Variants in RASA1 observed in about 807,000 individuals in gnomAD.
RASA1 encodes ras GTPase-activating protein 1.
A neutral mutation model predicts 132.2 loss-of-function variants in RASA1; 25 were observed. That is an observed-to-expected ratio of 0.19 (90% CI 0.14 to 0.26). The LOEUF is 0.26. RASA1 is among the 10% of genes least tolerant of loss of function. The pLI is 1.00. For missense variants in RASA1, 964 were observed against 1,299.2 expected, an observed-to-expected ratio of 0.74 and a Z score of 3.97; for synonymous variants, 477 against 449.9, an observed-to-expected ratio of 1.06 and a Z score of -0.76.
intron 20 of RASA1, 147 bp from the exon 21 acceptor site, chr5:87,383,566 C>T (rs1240272638): frequency 8.8e-6 from 5 of 566,636 alleles, no homozygotes; most frequent in Non-Finnish European, 1.5e-5. Flanking sequence ...TTAAAGCTTT[C>T]TGTGTCTGGG....
At chr5:87,295,527 A>AT (rs1561262562) in intron 1 of RASA1, among the ~76,000 whole-genome samples, 2 of 150,088 alleles carry the variant, frequency 1.3e-5, no homozygotes, top group Non-Finnish European at 3.0e-5. Context: ...TTATTTATTT[A>AT]TTTTTTTGAG....
rs1161338399 is a variant in RASA1, at chr5:87,268,554, C to G, written c.103C>G (p.Arg35Gly). The G allele has an allele frequency of 2.0e-5, 32 of 1,603,816 alleles. 1 individual carries two copies. Among genetic ancestry groups the G allele is most frequent in the Admixed American group, 1.7e-5 (1 of 58,140 alleles). Residue 35 changes from arginine (R) to glycine (G), a missense_variant, in exon 1 of 25, where the codon CGG becomes GGG. By Grantham distance (125) the Arg-to-Gly change is moderately radical. Around this residue, in one of 6 missense-constraint regions of RASA1, gnomAD observed 326 missense variants for 275.8 expected, o/e 1.18. Transcript: ENST00000274376. ...CTCCAGTGCCTATCCCGCAGTGTGT[C>G]GGGTGAAGATACCCGCGGCCCTGCC... ...AGSSAYPAVC[R>G]VKIPAALPVA... is the part of the protein sequence containing the mutation.
intron 9 of RASA1, among the ~76,000 whole-genome samples, chr5:87,356,269 A>G (rs1350945649): frequency 2.6e-5 from 4 of 152,130 alleles, no homozygotes; most frequent in African/African-American, 9.7e-5. Flanking sequence ...AAATTGCCAC[A>G]ACCACCCCAA....
chr5:87,338,536 A>ATATATATATATTTTTT lies in RASA1; in HGVS notation c.1017+446_1017+447insATATATATATTTTTTT. On this transcript the variant is annotated intron_variant, in intron 5 of 24. Coordinates refer to ENST00000274376, the MANE Select transcript of RASA1 (RefSeq NM_002890.3). The stretch of plus-strand genomic sequence containing the variant: ...ATATATATATATATATATATATAAA[A>ATATATATATATTTTTT]TTTTTTTTTTTTTTAAGTAGAAATG... Among the ~76,000 whole-genome samples, 30 of 85,202 alleles carry ATATATATATATTTTTT rather than the reference A, an allele frequency of 3.5e-4. 1 individual carries two copies. The East Asian group carries it at 0.011, about 31-fold the overall frequency. The allele number at this position is 85,202 out of a possible 152,430, so 55.9% of individuals were successfully genotyped here.
chr5:87,306,741 C>T (rs995091160), intron 1 of RASA1, among the ~76,000 whole-genome samples: 6 of 151,918 alleles, frequency 3.9e-5, no homozygotes, highest in African/African-American at 1.5e-4. Flanking sequence ...GAATCTTTGC[C>T]TTAACATTTT....
chr5:87,390,385 C>T (rs1440013910), intron 24 of RASA1, among the ~76,000 whole-genome samples: 1 of 152,128 alleles, frequency 6.6e-6, no homozygotes, highest in Non-Finnish European at 1.5e-5. Flanking sequence ...GAGTTCTCTA[C>T]AACCTGAGAT....
chr5:87,283,146 G>GTGTTTTTTTTTTTTTTT (rs1561253624), intron 1 of RASA1, among the ~76,000 whole-genome samples: 2 of 95,252 alleles, frequency 2.1e-5, no homozygotes, highest in Non-Finnish European at 4.7e-5. Flanking sequence ...TTTTTTTTTT[G>GTGTTTTTTTTTTTTTTT]TGTTTTTTTT....
At chr5:87,329,919 A>G (rs1389104390) in intron 1 of RASA1, among the ~76,000 whole-genome samples, 2 of 152,292 alleles carry the variant, frequency 1.3e-5, no homozygotes, top group East Asian at 1.9e-4. Context: ...TAAACTTTCC[A>G]TTTCAGATTT....
At chr5:87,365,437 C>T (rs1397955822) in intron 11 of RASA1, among the ~76,000 whole-genome samples, 1 of 152,038 alleles carries the variant, frequency 6.6e-6, no homozygotes, top group East Asian at 1.9e-4. Flanking sequence ...TTACTTTATT[C>T]ACAGCTTCAT....
intron 1 of RASA1, among the ~76,000 whole-genome samples, chr5:87,307,175 C>T (rs1436777276): frequency 6.6e-6 from 1 of 152,098 alleles, no homozygotes; most frequent in African/African-American, 2.4e-5. Context: ...GCCCGTTAGT[C>T]ATTTTTTAAA....
At chr5:87,369,371 G>T (rs531692518) in intron 11 of RASA1, among the ~76,000 whole-genome samples, 52 of 152,206 alleles carry the variant, frequency 3.4e-4, no homozygotes, top group Non-Finnish European at 6.0e-4. Flanking sequence ...AACAGGTGAA[G>T]AAAAATGATC....
chr5:87,369,737 A>T, intron 11 of RASA1, 76 bp from the exon 12 acceptor site: 1 of 871,974 alleles, frequency 1.1e-6, no homozygotes. Flanking sequence ...ATTTATTGTG[A>T]GTGTTTTGGA....
At chr5:87,347,672 A>G (rs1257509742) in intron 7 of RASA1, among the ~76,000 whole-genome samples, 2 of 151,994 alleles carry the variant, frequency 1.3e-5, no homozygotes, top group Non-Finnish European at 2.9e-5. Flanking sequence ...TTTTTGAAGT[A>G]CTCAATTTTA....
intron 1 of RASA1, chr5:87,294,566 T>C (rs1206797496): frequency 6.6e-6 from 1 of 152,228 alleles, no homozygotes; most frequent in Non-Finnish European, 1.5e-5. Context: ...ATCCCAGAAG[T>C]GTTAAATTGT....
chr5:87,344,175 A>C (rs1214136879), intron 6 of RASA1, among the ~76,000 whole-genome samples: 3 of 152,142 alleles, frequency 2.0e-5, no homozygotes, highest in African/African-American at 7.2e-5. Context: ...AATAACTAAA[A>C]GAGTGGAATT....
intron 1 of RASA1, among the ~76,000 whole-genome samples, chr5:87,285,618 C>CTTTTTCT (rs1318470832): frequency 5.6e-4 from 71 of 126,044 alleles, no homozygotes; most frequent in African/African-American, 2.0e-3. Context: ...TTTTCTTTTT[C>CTTTTTCT]TTTTTTTTTT....
chr5:87,375,636 C>T lies in RASA1; in HGVS notation c.2011+720C>T, dbSNP rs573804739. 5.3e-5 allele frequency among the ~76,000 whole-genome samples: 8 copies of T among 152,288 alleles called. No individual in the cohort carries two copies. In the South Asian group the frequency reaches 1.7e-3, roughly 32 times the overall value. On this transcript the variant is annotated intron_variant, in intron 15 of 24. Transcript: ENST00000274376. ...ATTTCCCTTAAACTTGAATATGTCA[C>T]TTATTCACTTCTGGTAGTCAAAGGC...
intron 11 of RASA1, among the ~76,000 whole-genome samples, chr5:87,365,354 CAGAG>C (rs926566158): frequency 2.0e-5 from 3 of 152,102 alleles, no homozygotes; most frequent in East Asian, 1.9e-4. Context: ...CACTTGGAGA[CAGAG>C]AGCTCTTTAT....
chr5:87,327,503 G>T (rs1211069698), intron 1 of RASA1, among the ~76,000 whole-genome samples: 1 of 152,288 alleles, frequency 6.6e-6, no homozygotes, highest in African/African-American at 2.4e-5. Flanking sequence ...ACGAGATTTG[G>T]TATGTTTAGG....
Sources: allele counts gnomAD v4.1 joint callset (sites outside exome capture counted in the v4.1 genomes callset), GRCh38; gene constraint gnomAD v4.1.1; regional missense constraint gnomAD v4.1.1; transcripts MANE v1.5; gene names NCBI Gene and HGNC (gene_info 2026-07-23, HGNC 2026-07-21).